ZFHX3: variants seen among roughly 807,000 people sequenced by gnomAD.
The protein encoded by ZFHX3 is zinc finger homeobox protein 3.
A neutral mutation model predicts 279.1 loss-of-function variants in ZFHX3; 42 were observed. That is an observed-to-expected ratio of 0.15 (90% CI 0.12 to 0.19). ZFHX3 has a LOEUF of 0.19. ZFHX3 is among the 10% of genes least tolerant of loss of function. The probability of loss-of-function intolerance (pLI) is 1.00; values close to 1 mark genes in which losing one functional copy is unlikely to be tolerated. For missense variants in ZFHX3, 4,981 were observed against 4,754.0 expected (o/e 1.05, Z -1.40); for synonymous variants, 2,293 against 1,957.8 (o/e 1.17, Z -4.52).
chr16:73,037,386 C>T (rs1449767937), intron 1 of ZFHX3, among the ~76,000 whole-genome samples: 3 of 152,092 alleles, frequency 2.0e-5, no homozygotes, highest in Non-Finnish European at 4.4e-5. Context: ...ACATAAGATC[C>T]CACTGCTCAT....
At chr16:73,129,379 G>GACACACACACACAC (rs59666622) in intron 7 of ZFHX3, among the ~76,000 whole-genome samples, 6,466 of 137,762 alleles carry the variant, frequency 0.047, 218 homozygotes, top group Middle Eastern at 0.12. Flanking sequence ...CAGAGACTCT[G>GACACACACACACAC]ACACACACAC....
At chr16:72,943,798 T>C (rs981838923) in intron 3 of ZFHX3, among the ~76,000 whole-genome samples, 2 of 152,090 alleles carry the variant, frequency 1.3e-5, no homozygotes, top group African/African-American at 2.4e-5. Flanking sequence ...CCCCACTTCA[T>C]GGTGTGTGTA....
At chr16:73,040,473 G>C (rs4788490) in intron 1 of ZFHX3, among the ~76,000 whole-genome samples, 57,974 of 151,876 alleles carry the variant, frequency 0.38, 12,134 homozygotes, top group African/African-American at 0.56. Context: ...CAAGCCAGCC[G>C]GGGAAGGCCT....
At chr16:73,696,906 TAACA>T (rs1447721461) in intron 1 of ZFHX3, among the ~76,000 whole-genome samples, 9 of 152,300 alleles carry the variant, frequency 5.9e-5, no homozygotes, top group Admixed American at 2.6e-4. Flanking sequence ...TTAAATTATA[TAACA>T]ATCAATAGTG....
chr16:73,786,933 C>A (rs1597115368), intron 1 of ZFHX3, among the ~76,000 whole-genome samples: 2 of 152,302 alleles, frequency 1.3e-5, no homozygotes, highest in East Asian at 3.9e-4. Flanking sequence ...TGGCTCAATT[C>A]TTGGTGTTGT....
Position 72,785,290 on chromosome 16 carries a change from CAAG to C in ZFHX3, c.*1871_*1873del, listed in dbSNP as rs1159171949. ...ACAGGAATATGGATATTAACAGAAA[CAAG>C]TGCCTCACATACAGTTCCTTTTTTG... On this transcript the variant is annotated 3_prime_UTR_variant, in exon 10 of 10. Coordinates refer to ENST00000268489, the MANE Select transcript of ZFHX3 (RefSeq NM_006885.4). 6.6e-6 allele frequency: 1 copy of C among 151,454 alleles called. No homozygotes were observed. The highest frequency in any genetic ancestry group is 1.5e-5 in the Non-Finnish European group (1 of 67,914). The allele number at this position is 151,454 out of a possible 1,614,324, so 9.4% of individuals were successfully genotyped here. A position where few individuals can be genotyped will look rare whatever the true frequency, so the allele number is the denominator to read the frequency against.
Position 72,980,100 on chromosome 16 carries a change from G to A in ZFHX3, c.-49-19906C>T, listed in dbSNP as rs148635364. On this transcript the variant is annotated intron_variant, in intron 1 of 9. Coordinates refer to ENST00000268489, the MANE Select transcript of ZFHX3 (RefSeq NM_006885.4). ...GCCAGCTAGTCTCACTGTTTCCACT[G>A]ATAGACAAGAATACTGACCCCACAG... Among the ~76,000 whole-genome samples, 322 of 152,316 alleles carry A rather than the reference G, an allele frequency of 2.1e-3. 1 individual carries two copies. The highest frequency in any genetic ancestry group is 3.9e-3 in the Non-Finnish European group (265 of 68,038).
chr16:73,308,272 TATA>T (rs1482968327), intron 4 of ZFHX3, among the ~76,000 whole-genome samples: 26 of 39,286 alleles, frequency 6.6e-4, no homozygotes, highest in East Asian at 2.2e-3. Context: ...TATATATATA[TATA>T]TATTTATTTA....
chr16:73,441,836 A>C (rs772093049), intron 3 of ZFHX3, among the ~76,000 whole-genome samples: 3 of 152,244 alleles, frequency 2.0e-5, no homozygotes, highest in Non-Finnish European at 4.4e-5. Flanking sequence ...AAGATTCAGC[A>C]AAGTCAAATC....
chr16:73,367,839 G>C lies in ZFHX3; in HGVS notation c.-1290-49503C>G, dbSNP rs531255887. On this transcript the variant is annotated intron_variant, in intron 3 of 17. Transcript: ENST00000641206. Reference sequence around the variant, plus strand: ...TACAAGCACGTAGTAGGTCTACTCTGACATATACATAGAGGATTAAGGAAG... The same window carrying C: ...TACAAGCACGTAGTAGGTCTACTCTCACATATACATAGAGGATTAAGGAAG... Among the ~76,000 whole-genome samples, 10 of 150,794 alleles carry C rather than the reference G, an allele frequency of 6.6e-5. No individual in the cohort carries two copies. The South Asian group carries it at 2.1e-3, about 32-fold the overall frequency.
chr16:73,114,630 G>C (rs1307529425), intron 7 of ZFHX3, among the ~76,000 whole-genome samples: 2 of 152,092 alleles, frequency 1.3e-5, no homozygotes, highest in Non-Finnish European at 2.9e-5. Context: ...AGTGAGCCAT[G>C]ACTGCGTCAC....
intron 3 of ZFHX3, among the ~76,000 whole-genome samples, chr16:73,411,674 T>G (rs955001276): frequency 6.6e-6 from 1 of 152,226 alleles, no homozygotes; most frequent in Admixed American, 6.5e-5. Flanking sequence ...AGATAGTACA[T>G]AAAAATTCAG....
intron 1 of ZFHX3, among the ~76,000 whole-genome samples, chr16:73,764,767 C>T (rs769643213): frequency 2.6e-5 from 4 of 152,196 alleles, no homozygotes; most frequent in Non-Finnish European, 4.4e-5. Flanking sequence ...GCCACGTAGA[C>T]ACAAACCAGT....
intron 1 of ZFHX3, among the ~76,000 whole-genome samples, chr16:72,962,500 C>A (rs1961627316): frequency 6.6e-6 from 1 of 152,230 alleles, no homozygotes. Context: ...GCCATGAGGA[C>A]ACGGGTCGGA....
chr16:73,497,772 GA>G (rs2019166943), intron 2 of ZFHX3, among the ~76,000 whole-genome samples: 1 of 152,212 alleles, frequency 6.6e-6, no homozygotes, highest in Non-Finnish European at 1.5e-5. Flanking sequence ...GATATGGGTA[GA>G]AAAAGGTGGA....
At chr16:73,318,016 T>C (rs972258058) in intron 4 of ZFHX3, among the ~76,000 whole-genome samples, 5 of 152,106 alleles carry the variant, frequency 3.3e-5, no homozygotes, top group Non-Finnish European at 7.3e-5. Flanking sequence ...TTACAGGGAA[T>C]CCTCCCAGCT....
At chr16:73,501,384 T>A (rs1302036508) in intron 2 of ZFHX3, among the ~76,000 whole-genome samples, 1 of 152,176 alleles carries the variant, frequency 6.6e-6, no homozygotes, top group Non-Finnish European at 1.5e-5. Flanking sequence ...CGATATTAAA[T>A]AAGCCAACTG....
At chr16:73,675,012 T>G (rs2052940325) in intron 2 of ZFHX3, among the ~76,000 whole-genome samples, 1 of 152,078 alleles carries the variant, frequency 6.6e-6, no homozygotes. Flanking sequence ...GCAGTAAAGC[T>G]CATGGACACA....
At position 72,959,930 on chromosome 16, in the gene ZFHX3, G is replaced by A. The variant is rs202140641; in HGVS notation, c.216C>T (p.Ser72=). 84 of 1,600,646 alleles carry A rather than the reference G, an allele frequency of 5.2e-5. No individual in the cohort carries two copies. The East Asian group carries it at 1.2e-3, about 23-fold the overall frequency. The change falls in exon 2 of 10, where the codon TCC becomes TCT. Residue 72 remains serine (S), a synonymous_variant. Coordinates refer to ENST00000268489, the MANE Select transcript of ZFHX3 (RefSeq NM_006885.4). ...AESTASAGPP[S]EPASKEVTCN... is the part of the protein sequence containing the mutation. ...AGGTGACCTCCTTGCTGGCGGGCTCGGAGGGGGGCCCGGCCGACGCGGTGC... is the reference window on the plus strand; with the variant it reads ...AGGTGACCTCCTTGCTGGCGGGCTCAGAGGGGGGCCCGGCCGACGCGGTGC...
Sources: gnomAD v4.1 joint callset for allele counts (sites outside exome capture counted in the v4.1 genomes callset) on GRCh38, gnomAD v4.1.1 for gene constraint, MANE v1.5 for transcripts, NCBI Gene and HGNC (gene_info 2026-07-23, HGNC 2026-07-21) for gene names.